Variants in ZMYND8 observed in about 807,000 individuals in gnomAD.
ZMYND8 encodes MYND-type zinc finger-containing chromatin reader ZMYND8.
Under a neutral mutation model 140.8 loss-of-function variants are expected in ZMYND8, and 37 were observed. The ratio of observed to expected loss-of-function variants is 0.26; its 90% CI spans 0.20 to 0.35. The LOEUF is 0.35. Ranked by LOEUF, ZMYND8 falls within the 10% of genes least tolerant of loss-of-function variation. The pLI is 1.00. For synonymous variants in ZMYND8, 592 were observed against 597.1 expected (o/e 0.99, Z 0.12); for missense variants, 1,068 against 1,570.0 (o/e 0.68, Z 5.40).
In ZMYND8 at chr20:47,287,233, T is replaced by C; in HGVS notation, c.800A>G (p.His267Arg). The C allele has an allele frequency of 6.2e-7, 1 of 1,613,846 alleles. No individual in the cohort carries two copies. Among genetic ancestry groups the C allele is most frequent in the Non-Finnish European group, 8.5e-7 (1 of 1,179,720 alleles). Residue 267 changes from histidine (H) to arginine (R), a missense_variant, in exon 8 of 23, where the codon CAT (histidine) becomes CGT (arginine). Coordinates refer to ENST00000471951, the MANE Select transcript of ZMYND8 (RefSeq NM_001281775.3). ...IAKVVIKICE[H>R]EMNEIEVCPE... ...AGGACAGTGGGAAACACATACCTCATGTTCACAGATTTTGATGACTACTTT... is the reference window on the plus strand; with the variant it reads ...AGGACAGTGGGAAACACATACCTCACGTTCACAGATTTTGATGACTACTTT...
Position 47,246,592 on chromosome 20 carries a change from T to C in ZMYND8, c.1775-75A>G, listed in dbSNP as rs894506917. On this transcript the variant is annotated intron_variant, in intron 13 of 22. Transcript: ENST00000471951. ...GCAGGATGAAAAATGCAAACATTTTTCCACACCAAATGCTGGAATAAGAAA... is the reference window on the plus strand; with the variant it reads ...GCAGGATGAAAAATGCAAACATTTTCCCACACCAAATGCTGGAATAAGAAA... 13 of 1,503,202 alleles carry C rather than the reference T, an allele frequency of 8.6e-6. No homozygotes were observed. In the African/African-American group the frequency reaches 1.1e-4, roughly 13 times the overall value. The allele number at this position is 1,503,202 out of a possible 1,614,324, so 93.1% of individuals were successfully genotyped here. A position where few individuals can be genotyped will look rare whatever the true frequency, so the allele number is the denominator to read the frequency against.
chr20:47,239,434 G>A (rs2039671372), intron 14 of ZMYND8, among the ~76,000 whole-genome samples: 1 of 152,180 alleles, frequency 6.6e-6, no homozygotes, highest in African/African-American at 2.4e-5. Context: ...CGGCTCCTGC[G>A]CTCAAGCTCC....
chr20:47,350,137 C>A, intron 1 of ZMYND8: 1 of 915,256 alleles, frequency 1.1e-6, no homozygotes, highest in Non-Finnish European at 1.5e-6. Context: ...CATAATCACC[C>A]AACTTTAGCA....
intron 9 of ZMYND8, among the ~76,000 whole-genome samples, chr20:47,282,590 T>C (rs181927910): frequency 6.6e-6 from 1 of 152,138 alleles, no homozygotes; most frequent in Non-Finnish European, 1.5e-5. Flanking sequence ...CCAGGCGTGG[T>C]GGCACACGCC....
At chr20:47,253,576 C>T (rs1425441237) in intron 12 of ZMYND8, among the ~76,000 whole-genome samples, 1 of 151,692 alleles carries the variant, frequency 6.6e-6, no homozygotes, top group Non-Finnish European at 1.5e-5. Context: ...ATAAACTTGC[C>T]AGGTGATCCT....
At chr20:47,318,756 T>G in intron 2 of ZMYND8, 1 of 477,532 alleles carries the variant, frequency 2.1e-6, no homozygotes, top group Non-Finnish European at 4.1e-6. Flanking sequence ...TGGCCTGAAC[T>G]GTGCTTATAA....
chr20:47,292,766 T>C (rs1485582138), intron 5 of ZMYND8, among the ~76,000 whole-genome samples: 4 of 152,018 alleles, frequency 2.6e-5, no homozygotes, highest in Admixed American at 2.6e-4. Flanking sequence ...TCTTCATCTG[T>C]AGGGGCCAGG....
Position 47,236,637 on chromosome 20 carries a change from A to G in ZMYND8, c.2666-121T>C, listed in dbSNP as rs1378357427. 1.0e-5 allele frequency: 11 copies of G among 1,067,466 alleles called. No individual in the cohort carries two copies. The Admixed American group carries it at 2.7e-4, about 26-fold the overall frequency. The allele number at this position is 1,067,466 out of a possible 1,614,324, so 66.1% of individuals were successfully genotyped here. On this transcript the variant is annotated intron_variant, in intron 15 of 22. Coordinates refer to ENST00000471951, the MANE Select transcript of ZMYND8 (RefSeq NM_001281775.3). ...AGAGCTTTTCTACTTTTAAATGACA[A>G]AGATGCTCCCCTTGACCAAACTCTA...
chr20:47,235,794 C>G (rs1414784286), intron 16 of ZMYND8, among the ~76,000 whole-genome samples: 4 of 152,056 alleles, frequency 2.6e-5, no homozygotes, highest in Admixed American at 2.6e-4. Context: ...CAACAACAGG[C>G]AATCCTGCCC....
At chr20:47,342,088 T>C (rs546631740) in intron 2 of ZMYND8, among the ~76,000 whole-genome samples, 20 of 148,830 alleles carry the variant, frequency 1.3e-4, no homozygotes, top group Non-Finnish European at 1.6e-4. Context: ...AGGAGAATCA[T>C]TTGAAACCAG....
At chr20:47,305,040 C>T (rs1423038672) in intron 3 of ZMYND8, among the ~76,000 whole-genome samples, 1 of 151,850 alleles carries the variant, frequency 6.6e-6, no homozygotes, top group Non-Finnish European at 1.5e-5. Context: ...CCCAGGAGTC[C>T]GCGACCAGCC....
At chr20:47,304,377 G>A (rs897013028) in intron 3 of ZMYND8, among the ~76,000 whole-genome samples, 3 of 152,190 alleles carry the variant, frequency 2.0e-5, no homozygotes, top group African/African-American at 2.4e-5. Context: ...GGCCTCTATC[G>A]CAAATACTCA....
At chr20:47,232,849 T>C (rs1227748324) in intron 16 of ZMYND8, among the ~76,000 whole-genome samples, 1 of 152,166 alleles carries the variant, frequency 6.6e-6, no homozygotes, top group South Asian at 2.1e-4. Flanking sequence ...AGTTTGGTGC[T>C]GTTATGCCTT....
chr20:47,219,309 G>A (rs900015214), intron 21 of ZMYND8, among the ~76,000 whole-genome samples: 5 of 151,746 alleles, frequency 3.3e-5, no homozygotes, highest in Non-Finnish European at 7.4e-5. Flanking sequence ...GCCCACCTCA[G>A]CCTCCCAAAG....
At chr20:47,280,749 T>A (rs190856155) in intron 10 of ZMYND8, among the ~76,000 whole-genome samples, 4 of 152,140 alleles carry the variant, frequency 2.6e-5, no homozygotes, top group Non-Finnish European at 4.4e-5. Flanking sequence ...GTACAGCCTG[T>A]CACCAATTCC....
At chr20:47,301,320 A>C (rs946475053) in intron 3 of ZMYND8, among the ~76,000 whole-genome samples, 4 of 151,642 alleles carry the variant, frequency 2.6e-5, no homozygotes, top group African/African-American at 4.9e-5. Flanking sequence ...ACGCCCAGGT[A>C]ATTTTTTGTA....
intron 2 of ZMYND8, among the ~76,000 whole-genome samples, chr20:47,329,080 A>G (rs1174468823): frequency 6.6e-6 from 1 of 152,248 alleles, no homozygotes; most frequent in African/African-American, 2.4e-5. Context: ...TGTTCTCTGC[A>G]CAACTTTTCA....
intron 22 of ZMYND8, 62 bp from the exon 23 acceptor site, chr20:47,210,959 T>G: frequency 1.3e-6 from 2 of 1,580,308 alleles, no homozygotes; most frequent in Non-Finnish European, 8.6e-7. Flanking sequence ...ACAACTATCC[T>G]GCAATCTGAC....
At chr20:47,320,829 C>T (rs1278085120) in intron 2 of ZMYND8, 1 of 152,168 alleles carries the variant, frequency 6.6e-6, no homozygotes, top group African/African-American at 2.4e-5. Flanking sequence ...GAAGGATAGA[C>T]GGGGTAGCCA....
Sources: allele counts gnomAD v4.1 joint callset (sites outside exome capture counted in the v4.1 genomes callset), GRCh38; gene constraint gnomAD v4.1.1; transcripts MANE v1.5; gene names NCBI Gene and HGNC (gene_info 2026-07-23, HGNC 2026-07-21).